RAB8A: variants seen among roughly 807,000 people sequenced by gnomAD.
RAB8A encodes the protein RAB8A, member RAS oncogene family, also known as ras-related protein Rab-8A.
Under a neutral mutation model 29.2 loss-of-function variants are expected in RAB8A, and 5 were observed. That is an observed-to-expected ratio of 0.17 (90% CI 0.09 to 0.36). RAB8A has a LOEUF of 0.36. RAB8A is among the 10% of genes least tolerant of loss of function. The pLI is 1.00. For missense variants in RAB8A, 171 were observed against 272.2 expected (o/e 0.63, Z 2.62); for synonymous variants, 108 against 99.9 (o/e 1.08, Z -0.49).
rs187647626 is a variant in RAB8A at position 16,124,890 on chromosome 19, C to T, written c.247-580C>T. On this transcript the variant is annotated intron_variant, in intron 3 of 7. Transcript: ENST00000300935. ...CCACGAGCCGTCTCCCAGTTGCTCA[C>T]GTCTAGGTTAGGGAACTGGAAGGGC... 4.7e-3 allele frequency: 794 copies of T among 169,762 alleles called. 11 individuals carry two copies. The highest frequency in any genetic ancestry group is 0.018 in the African/African-American group (741 of 42,092). The allele number at this position is 169,762 out of a possible 1,614,324, so 10.5% of individuals were successfully genotyped here.
In RAB8A at chr19:16,112,051, G is replaced by A. The variant is rs372769177; in HGVS notation, c.124+26G>A. 799 of 1,612,014 alleles carry A rather than the reference G, an allele frequency of 5.0e-4. 3 individuals carry two copies. In the South Asian group the frequency reaches 5.9e-3, roughly 12 times the overall value. On this transcript the variant is annotated intron_variant, in intron 1 of 7. Transcript: ENST00000300935. The stretch of plus-strand genomic sequence containing the variant: ...GTAACGGGACCGGGGAATGGCTGGG[G>A]GCGCCGGAGGCCCGGGCTGGGCGCG...
At chr19:16,120,230 G>A (rs1178900615) in intron 2 of RAB8A, among the ~76,000 whole-genome samples, 1 of 152,110 alleles carries the variant, frequency 6.6e-6, no homozygotes, top group Non-Finnish European at 1.5e-5. Flanking sequence ...GTCCCAGCAG[G>A]GCCGTGGGAG....
chr19:16,127,398 C>G lies in RAB8A; in HGVS notation c.325-39C>G, dbSNP rs1417814933. 7.3e-7 allele frequency: 1 copy of G among 1,365,400 alleles called. No homozygotes were observed. Among genetic ancestry groups the G allele is most frequent in the Non-Finnish European group, 9.7e-7 (1 of 1,029,476 alleles). The allele number at this position is 1,365,400 out of a possible 1,614,324, so 84.6% of individuals were successfully genotyped here. On this transcript the variant is annotated intron_variant, in intron 4 of 7. Transcript: ENST00000300935. The surrounding 1 kb of genome is among the most constrained non-coding windows in gnomAD (Gnocchi z 4.8). Reference sequence around the variant, plus strand: ...GTTGGCAGAGGCACCTGGCCTGTGTCATCCGGTCTGATCCCCCGTCTGTCC... The same window carrying G: ...GTTGGCAGAGGCACCTGGCCTGTGTGATCCGGTCTGATCCCCCGTCTGTCC...
Position 16,122,043 on chromosome 19 carries a change from A to G in RAB8A, c.246+233A>G. 2 of 446,356 alleles carry G rather than the reference A, an allele frequency of 4.5e-6. No homozygotes were observed. The highest frequency in any genetic ancestry group is 8.1e-6 in the Non-Finnish European group (2 of 245,682). The allele number at this position is 446,356 out of a possible 1,614,324, so 27.6% of individuals were successfully genotyped here. On this transcript the variant is annotated intron_variant, in intron 3 of 7. Transcript: ENST00000300935. The surrounding 1 kb of genome is among the most constrained non-coding windows in gnomAD (Gnocchi z 4.7). ...TGCAAGGTTTAAATAAAGTGGAAAC[A>G]TAATTCTTTGGGAATGAAGAAAGAC... is the stretch of plus-strand genomic sequence containing the variant.
chr19:16,120,986 G>T (rs550255910), intron 2 of RAB8A, among the ~76,000 whole-genome samples: 51 of 147,216 alleles, frequency 3.5e-4, no homozygotes, highest in Admixed American at 3.0e-3. Flanking sequence ...GTGCAATCTC[G>T]GCTCACTGCA....
intron 7 of RAB8A, 141 bp downstream of exon 7, chr19:16,129,745 A>G (rs2090917264): frequency 2.3e-6 from 2 of 854,794 alleles, no homozygotes; most frequent in South Asian, 1.5e-5. Context: ...GAAAGGGGGA[A>G]GAGTTTGCAG....
At chr19:16,126,572 C>A (rs1047171023) in intron 4 of RAB8A, 1 of 152,268 alleles carries the variant, frequency 6.6e-6, no homozygotes, top group Non-Finnish European at 1.5e-5. Flanking sequence ...GGAGACTTGA[C>A]GAAGGAGCTG....
chr19:16,127,809 A>G lies in RAB8A; in HGVS notation c.415-217A>G. The G allele has an allele frequency of 3.2e-6, 2 of 629,864 alleles. No homozygotes were observed. The highest frequency in any genetic ancestry group is 5.7e-6 in the Non-Finnish European group (2 of 350,258). 39.0% of individuals were successfully genotyped at this position (629,864 alleles called of 1,614,324 possible). ...CCCAGCAGGTCCCCGCCACCCTCCC[A>G]TCTCAGCTGCCATCCCCAGCAACTC... On this transcript the variant is annotated intron_variant, in intron 5 of 7. Transcript: ENST00000300935. The surrounding 1 kb of genome is among the most constrained non-coding windows in gnomAD (Gnocchi z 4.8).
intron 3 of RAB8A, chr19:16,124,261 CAGG>C (rs1026005541): frequency 7.2e-5 from 11 of 152,190 alleles, no homozygotes; most frequent in African/African-American, 2.4e-4. Flanking sequence ...CCTGAATTCC[CAGG>C]AGGATTTGGG....
At chr19:16,112,105 A>C in intron 1 of RAB8A, 80 bp downstream of exon 1, 2 of 1,555,328 alleles carry the variant, frequency 1.3e-6, no homozygotes, top group Non-Finnish European at 1.7e-6. Flanking sequence ...TGAGGGATCT[A>C]CAGGGCTGGA....
At chr19:16,113,803 A>G (rs1439465331) in intron 1 of RAB8A, among the ~76,000 whole-genome samples, 1 of 152,148 alleles carries the variant, frequency 6.6e-6, no homozygotes, top group African/African-American at 2.4e-5. Flanking sequence ...TTGAATGTGC[A>G]CTACCCCTCT....
At chr19:16,129,756 G>A in intron 7 of RAB8A, 152 bp downstream of exon 7, 1 of 795,482 alleles carries the variant, frequency 1.3e-6, no homozygotes, top group Non-Finnish European at 2.1e-6. Context: ...GAGTTTGCAG[G>A]TGTGGCTGGG....
rs986561340 is a variant in RAB8A, at chr19:16,118,466, C to T, written c.185+180C>T. Among the ~76,000 whole-genome samples, 34 of 152,258 alleles carry T rather than the reference C, an allele frequency of 2.2e-4. 1 individual carries two copies. Among genetic ancestry groups the T allele is most frequent in the African/African-American group, 7.7e-4 (32 of 41,552 alleles). Reference sequence around the variant, plus strand: ...TTTATACCCAGCCCAGAGAGCTGTCCTCTGCTGGCTGCAGGGCACCAGGGC... The same window carrying T: ...TTTATACCCAGCCCAGAGAGCTGTCTTCTGCTGGCTGCAGGGCACCAGGGC... On this transcript the variant is annotated intron_variant, in intron 2 of 7. Transcript: ENST00000300935.
At position 16,125,373 on chromosome 19, in the gene RAB8A, G is replaced by A. The variant is rs546853378; in HGVS notation, c.247-97G>A. On this transcript the variant is annotated intron_variant, in intron 3 of 7. Transcript: ENST00000300935. This position sits in a 1 kb window ranked among gnomAD's most constrained non-coding sequence, Gnocchi z 5.0. ...AGCTAATGGGCCTGGCTGTGCAGTG[G>A]GTGCTGGGCTCCCCACCACTGTTCT... 2.2e-5 allele frequency: 23 copies of A among 1,056,070 alleles called. No individual in the cohort carries two copies. In the East Asian group the frequency reaches 5.1e-4, roughly 23 times the overall value. The allele number at this position is 1,056,070 out of a possible 1,614,324, so 65.4% of individuals were successfully genotyped here.
At chr19:16,124,999 C>CGCCG in intron 3 of RAB8A, 2 of 205,470 alleles carry the variant, frequency 9.7e-6, no homozygotes, top group South Asian at 8.3e-5. Context: ...CGGGTCAGGA[C>CGCCG]TTCCTGGGCT....
chr19:16,112,112 T>C, intron 1 of RAB8A, 87 bp downstream of exon 1: 1 of 1,542,896 alleles, frequency 6.5e-7, no homozygotes, highest in South Asian at 1.2e-5. Context: ...TCTACAGGGC[T>C]GGACGGGCCG....
intron 7 of RAB8A, among the ~76,000 whole-genome samples, chr19:16,131,086 A>G (rs1195242164): frequency 6.6e-6 from 1 of 152,000 alleles, no homozygotes; most frequent in Non-Finnish European, 1.5e-5. Context: ...GGCCTCCCAA[A>G]GTGTTGGGAT....
chr19:16,120,718 G>A (rs1421827498), intron 2 of RAB8A, among the ~76,000 whole-genome samples: 1 of 150,594 alleles, frequency 6.6e-6, no homozygotes, highest in Non-Finnish European at 1.5e-5. Flanking sequence ...TCAAGCGATT[G>A]TTGTGTCTCG....
chr19:16,131,267 G>T (rs192063243), intron 7 of RAB8A, among the ~76,000 whole-genome samples: 14 of 152,324 alleles, frequency 9.2e-5, no homozygotes, highest in Admixed American at 8.5e-4. Context: ...AGAGTGGTTG[G>T]AAGGGGTGGT....
Sources: allele counts gnomAD v4.1 joint callset (sites outside exome capture counted in the v4.1 genomes callset), GRCh38; gene constraint gnomAD v4.1.1; non-coding constraint Gnocchi (gnomAD v3.1); transcripts MANE v1.5; gene names NCBI Gene and HGNC (gene_info 2026-07-23, HGNC 2026-07-21).